Variants in EFCAB11 observed in about 807,000 individuals in gnomAD.
EFCAB11 encodes the protein EF-hand calcium binding domain 11.
A neutral mutation model predicts 23.0 loss-of-function variants in EFCAB11; 14 were observed. The observed-to-expected ratio is 0.61, with a 90% CI of 0.40 to 0.95. EFCAB11 has a LOEUF of 0.95. Ranked by LOEUF, EFCAB11 falls within the 40% of genes least tolerant of loss-of-function variation. The pLI is 0.00. For missense variants in EFCAB11, 198 were observed against 195.8 expected (o/e 1.01, Z -0.07); for synonymous variants, 65 against 66.6 (o/e 0.98, Z 0.11).
chr14:89,834,400 A>AC, intron 5 of EFCAB11, among the ~76,000 whole-genome samples: 1 of 151,130 alleles, frequency 6.6e-6, no homozygotes, highest in Non-Finnish European at 1.5e-5. Flanking sequence ...AAAAAAAAAA[A>AC]AAACCTTTTT....
intron 5 of EFCAB11, among the ~76,000 whole-genome samples, chr14:89,874,074 A>G (rs532973495): frequency 1.2e-4 from 19 of 152,184 alleles, no homozygotes; most frequent in Non-Finnish European, 2.5e-4. Flanking sequence ...CTCTGCCTGG[A>G]TATCCAGGTG....
intron 5 of EFCAB11, among the ~76,000 whole-genome samples, chr14:89,878,075 A>G (rs1480186460): frequency 1.3e-5 from 2 of 152,172 alleles, no homozygotes; most frequent in Non-Finnish European, 2.9e-5. Flanking sequence ...TCAAATGGAT[A>G]GGGGAAAAAA....
chr14:89,800,496 C>A (rs1235119651), intron 5 of EFCAB11, among the ~76,000 whole-genome samples: 1 of 152,278 alleles, frequency 6.6e-6, no homozygotes, highest in Admixed American at 6.5e-5. Context: ...AGTCAAAGAC[C>A]ACCCACTTCA....
chr14:89,900,978 A>C (rs1231637298), intron 5 of EFCAB11, among the ~76,000 whole-genome samples: 1 of 152,224 alleles, frequency 6.6e-6, no homozygotes, highest in African/African-American at 2.4e-5. Flanking sequence ...TATGGTATGA[A>C]GACACGGGGA....
chr14:89,845,823 G>A (rs904530642), intron 5 of EFCAB11, among the ~76,000 whole-genome samples: 4 of 152,160 alleles, frequency 2.6e-5, no homozygotes, highest in African/African-American at 9.7e-5. Context: ...GTACTGGGTC[G>A]AGTGGTGCGT....
intron 3 of EFCAB11, among the ~76,000 whole-genome samples, chr14:89,940,067 A>C (rs1338885955): frequency 6.6e-6 from 1 of 152,212 alleles, no homozygotes; most frequent in African/African-American, 2.4e-5. Flanking sequence ...AAATGTCTTT[A>C]GGTCAGTGTC....
At chr14:89,847,757 AAAGAAAG>A (rs1358011012) in intron 5 of EFCAB11, among the ~76,000 whole-genome samples, 43 of 127,774 alleles carry the variant, frequency 3.4e-4, no homozygotes, top group African/African-American at 1.2e-3. Context: ...AAAAAAAAAA[AAAGAAAG>A]AAAGAAAGAA....
At chr14:89,870,063 C>T (rs1888218138) in intron 5 of EFCAB11, among the ~76,000 whole-genome samples, 1 of 152,192 alleles carries the variant, frequency 6.6e-6, no homozygotes, top group South Asian at 2.1e-4. Context: ...CTTCTTCATT[C>T]CTCAAGAACA....
In EFCAB11 at chr14:89,921,755, G is replaced by C. The variant is rs1890028185; in HGVS notation, c.410+9786C>G. ...TGTAGTACTGGAAATCTTTGGTCTT[G>C]ATTTTAGTCTATACATAAGGTGGAC... is the stretch of plus-strand genomic sequence containing the variant. On this transcript the variant is annotated intron_variant, in intron 5 of 5. Coordinates refer to ENST00000316738, the MANE Select transcript of EFCAB11 (RefSeq NM_145231.4). Among the ~76,000 whole-genome samples the C allele has an allele frequency of 2.0e-5, 3 of 152,222 alleles. No individual in the cohort carries two copies. The South Asian group carries it at 6.2e-4, about 32-fold the overall frequency.
intron 5 of EFCAB11, among the ~76,000 whole-genome samples, chr14:89,883,218 C>A (rs1019015176): frequency 6.6e-6 from 1 of 152,148 alleles, no homozygotes; most frequent in Non-Finnish European, 1.5e-5. Flanking sequence ...AGATAGTTAT[C>A]TTAACATAAT....
At chr14:89,954,459 G>A (rs747370184) in intron 1 of EFCAB11, 127 bp downstream of exon 1, 1 of 1,538,222 alleles carries the variant, frequency 6.5e-7, no homozygotes, top group Non-Finnish European at 8.7e-7. Context: ...CATTAACCAC[G>A]ACCCTTTGGA....
chr14:89,850,724 T>C (rs1454729132), intron 5 of EFCAB11, among the ~76,000 whole-genome samples: 1 of 152,226 alleles, frequency 6.6e-6, no homozygotes, highest in Non-Finnish European at 1.5e-5. Flanking sequence ...AAATGTCCAG[T>C]GAAATTTTAC....
intron 5 of EFCAB11, among the ~76,000 whole-genome samples, chr14:89,918,827 G>A (rs1208809549): frequency 6.6e-6 from 1 of 151,864 alleles, no homozygotes; most frequent in Non-Finnish European, 1.5e-5. Context: ...CACAGGTACA[G>A]GAGGGGTCAG....
chr14:89,892,095 T>C, intron 5 of EFCAB11: 9 of 1,547,906 alleles, frequency 5.8e-6, no homozygotes, highest in South Asian at 4.8e-5. Context: ...AGGAAGTCCT[T>C]TGAACACATC....
intron 5 of EFCAB11, among the ~76,000 whole-genome samples, chr14:89,901,001 T>C (rs1889321968): frequency 6.6e-6 from 1 of 152,206 alleles, no homozygotes; most frequent in Non-Finnish European, 1.5e-5. Context: ...GGAAATAGTC[T>C]ACATTATTTC....
chr14:89,858,847 C>G (rs772345744), intron 5 of EFCAB11, among the ~76,000 whole-genome samples: 1 of 151,942 alleles, frequency 6.6e-6, no homozygotes, highest in Non-Finnish European at 1.5e-5. Flanking sequence ...ATCTTAATTG[C>G]TTTCTCTGGA....
rs34856042 is a variant in EFCAB11, at chr14:89,863,856, G to A, written c.411-66532C>T. On this transcript the variant is annotated intron_variant, in intron 5 of 5. Coordinates refer to ENST00000316738, the MANE Select transcript of EFCAB11 (RefSeq NM_145231.4). ...AATACAGCCTGTACTAACTAGTCAA[G>A]TAAAAACTAAAAAAAATCCCAGTAT... Among the ~76,000 whole-genome samples the A allele has an allele frequency of 8.8e-3, 1,335 of 152,188 alleles. 9 individuals carry two copies. The highest frequency in any genetic ancestry group is 0.014 in the Non-Finnish European group (968 of 67,974).
At chr14:89,918,702 C>T (rs1889929058) in intron 5 of EFCAB11, among the ~76,000 whole-genome samples, 1 of 151,960 alleles carries the variant, frequency 6.6e-6, no homozygotes. Context: ...ACAACCATCA[C>T]AGAGAATACA....
Position 89,931,535 on chromosome 14 carries a change from C to T in EFCAB11, c.410+6G>A, listed in dbSNP as rs1408809121. Reference sequence around the variant, plus strand: ...GGTGGTGTACAGAAGGATTTTGATGCCTTACCTGAATACCTCAAGAACAGT... The same window carrying T: ...GGTGGTGTACAGAAGGATTTTGATGTCTTACCTGAATACCTCAAGAACAGT... On this transcript the variant is annotated splice_donor_region_variant and intron_variant, in intron 5 of 5. Coordinates refer to ENST00000316738, the MANE Select transcript of EFCAB11 (RefSeq NM_145231.4). 1 of 1,610,996 alleles carries T rather than the reference C, an allele frequency of 6.2e-7. No homozygotes were observed. Among genetic ancestry groups the T allele is most frequent in the Admixed American group, 1.7e-5 (1 of 59,426 alleles).
Sources: allele counts gnomAD v4.1 joint callset (sites outside exome capture counted in the v4.1 genomes callset), GRCh38; gene constraint gnomAD v4.1.1; transcripts MANE v1.5; gene names NCBI Gene and HGNC (gene_info 2026-07-23, HGNC 2026-07-21).